The following RALGAPA1 variants were observed in gnomAD, a reference collection of about 807,000 sequenced individuals.
RALGAPA1 encodes Ral GTPase activating protein catalytic subunit alpha 1, also known as ral GTPase-activating protein subunit alpha-1.
RALGAPA1 carries 52 observed loss-of-function variants against 269.6 expected under a neutral mutation model. The observed-to-expected ratio is 0.19, with a 90% CI of 0.15 to 0.24. The LOEUF (loss-of-function observed/expected upper bound fraction) is 0.24, where lower values mean the gene tolerates loss of function less well. Ranked by LOEUF, RALGAPA1 falls within the 10% of genes least tolerant of loss-of-function variation. The pLI is 1.00. For missense variants in RALGAPA1, 1,917 were observed against 3,013.9 expected (o/e 0.64, Z 8.52); for synonymous variants, 817 against 1,008.3 (o/e 0.81, Z 3.60).
At chr14:35,739,213 C>T (rs1361706541) in intron 11 of RALGAPA1, among the ~76,000 whole-genome samples, 1 of 152,202 alleles carries the variant, frequency 6.6e-6, no homozygotes, top group East Asian at 1.9e-4. Context: ...AGAAATGCCA[C>T]TCTGCAGTTC....
In RALGAPA1 at chr14:35,721,898, T is replaced by C. The variant is rs757352071; in HGVS notation, c.2105-49A>G. 2.0e-6 allele frequency: 3 copies of C among 1,483,080 alleles called. No homozygotes were observed. In the East Asian group the frequency reaches 6.8e-5, roughly 34 times the overall value. The allele number at this position is 1,483,080 out of a possible 1,614,324, so 91.9% of individuals were successfully genotyped here. On this transcript the variant is annotated intron_variant, in intron 15 of 41. Coordinates refer to ENST00000680220, the MANE Select transcript of RALGAPA1 (RefSeq NM_001346249.2). ...CAATATACTGTTACTTGATCAATAA[T>C]ATCTTCAAGTTATGCGTGCTACCTT... is the stretch of plus-strand genomic sequence containing the variant.
At chr14:35,743,170 A>T (rs954446376) in intron 10 of RALGAPA1, among the ~76,000 whole-genome samples, 2 of 144,608 alleles carry the variant, frequency 1.4e-5, no homozygotes, top group Admixed American at 6.9e-5. Flanking sequence ...CTGGGAATCT[A>T]TTTTTTTTTT....
chr14:35,785,009 C>A (rs1248345039), intron 1 of RALGAPA1, among the ~76,000 whole-genome samples: 1 of 152,116 alleles, frequency 6.6e-6, no homozygotes, highest in East Asian at 1.9e-4. Context: ...TAGCCAGACC[C>A]TATCTCTACA....
intron 37 of RALGAPA1, among the ~76,000 whole-genome samples, chr14:35,593,810 C>T (rs1272169013): frequency 1.3e-5 from 2 of 151,980 alleles, no homozygotes; most frequent in African/African-American, 4.8e-5. Flanking sequence ...ACTGTGATTG[C>T]ACCACTGCAT....
At chr14:35,553,074 G>A (rs1211530807) in intron 39 of RALGAPA1, among the ~76,000 whole-genome samples, 1 of 152,044 alleles carries the variant, frequency 6.6e-6, no homozygotes, top group African/African-American at 2.4e-5. Context: ...AGTTAAGTGG[G>A]GATACCATCA....
chr14:35,540,540 T>C (rs1339594581), intron 41 of RALGAPA1, among the ~76,000 whole-genome samples: 2 of 152,216 alleles, frequency 1.3e-5, no homozygotes, highest in Non-Finnish European at 2.9e-5. Flanking sequence ...TTCTATAAAT[T>C]ATCATTCTCT....
intron 5 of RALGAPA1, 36 bp downstream of exon 5, chr14:35,762,674 T>C (rs1352425262): frequency 7.9e-7 from 1 of 1,259,738 alleles, no homozygotes; most frequent in South Asian, 1.2e-5. Flanking sequence ...TTCTACTCAG[T>C]ATTTTTAAAG....
At chr14:35,717,842 G>A (rs914499986) in intron 16 of RALGAPA1, among the ~76,000 whole-genome samples, 1 of 152,140 alleles carries the variant, frequency 6.6e-6, no homozygotes, top group Non-Finnish European at 1.5e-5. Context: ...ACAGGTGTGA[G>A]CCACTGTGCC....
chr14:35,801,262 C>CAA (rs980341680), intron 1 of RALGAPA1, among the ~76,000 whole-genome samples: 7 of 150,742 alleles, frequency 4.6e-5, no homozygotes, highest in South Asian at 4.2e-4. Flanking sequence ...CACACACACA[C>CAA]ACACACACAC....
rs189108000 is a variant in RALGAPA1, at chr14:35,702,930, G to A, written c.2267-2628C>T. Among the ~76,000 whole-genome samples the A allele has an allele frequency of 3.2e-4, 48 of 151,848 alleles. No homozygotes were observed. In the East Asian group the frequency reaches 7.7e-3, roughly 24 times the overall value. On this transcript the variant is annotated intron_variant, in intron 16 of 41. Coordinates refer to ENST00000680220, the MANE Select transcript of RALGAPA1 (RefSeq NM_001346249.2). The stretch of plus-strand genomic sequence containing the variant: ...AATTTTTGTATTTTTAGTAGAGACA[G>A]GGTTTCACTGTGTTAGCCAGAATTT...
At chr14:35,797,239 A>G (rs971796059) in intron 1 of RALGAPA1, among the ~76,000 whole-genome samples, 2 of 151,282 alleles carry the variant, frequency 1.3e-5, no homozygotes, top group Non-Finnish European at 2.9e-5. Flanking sequence ...CTGTAGTCCC[A>G]GCTACTAGGG....
intron 39 of RALGAPA1, among the ~76,000 whole-genome samples, chr14:35,565,675 T>C (rs2056637131): frequency 6.6e-6 from 1 of 152,176 alleles, no homozygotes; most frequent in African/African-American, 2.4e-5. Context: ...TACATCCTAT[T>C]GGTTCTGTTT....
At chr14:35,796,321 C>G (rs2076558954) in intron 1 of RALGAPA1, among the ~76,000 whole-genome samples, 1 of 152,088 alleles carries the variant, frequency 6.6e-6, no homozygotes, top group Non-Finnish European at 1.5e-5. Flanking sequence ...GCAATAGAAA[C>G]TATCCAAGAT....
At chr14:35,587,202 T>C (rs1257600919) in intron 37 of RALGAPA1, among the ~76,000 whole-genome samples, 2 of 152,192 alleles carry the variant, frequency 1.3e-5, no homozygotes, top group African/African-American at 2.4e-5. Flanking sequence ...AGGGTGTATG[T>C]GTCCAGGAAT....
At chr14:35,606,000 G>A (rs1252070355) in intron 35 of RALGAPA1, among the ~76,000 whole-genome samples, 2 of 152,202 alleles carry the variant, frequency 1.3e-5, no homozygotes, top group African/African-American at 4.8e-5. Context: ...AAGAGAAAGA[G>A]CATCAGGAAG....
intron 16 of RALGAPA1, among the ~76,000 whole-genome samples, chr14:35,701,125 G>C (rs72668487): frequency 9.5e-4 from 145 of 152,124 alleles, no homozygotes; most frequent in Non-Finnish European, 1.6e-3. Context: ...AGAGTCCCTA[G>C]TTCACAAAAA....
chr14:35,562,267 TG>T (rs2056323491), intron 39 of RALGAPA1, among the ~76,000 whole-genome samples: 2 of 152,300 alleles, frequency 1.3e-5, no homozygotes, highest in Middle Eastern at 3.4e-3. Context: ...TTCCCCCTAC[TG>T]CTCTCCTGTT....
At chr14:35,611,691 T>C (rs943314435) in intron 35 of RALGAPA1, among the ~76,000 whole-genome samples, 2 of 151,666 alleles carry the variant, frequency 1.3e-5, no homozygotes, top group Admixed American at 6.6e-5. Flanking sequence ...GCTCTGATCA[T>C]GCCATTGCAC....
intron 31 of RALGAPA1, among the ~76,000 whole-genome samples, chr14:35,647,349 C>G (rs562123712): frequency 6.6e-6 from 1 of 152,090 alleles, no homozygotes. Context: ...AAACTCCTGG[C>G]CCATATACAG....
Sources: allele counts gnomAD v4.1 joint callset (sites outside exome capture counted in the v4.1 genomes callset), GRCh38; gene constraint gnomAD v4.1.1; transcripts MANE v1.5; gene names NCBI Gene and HGNC (gene_info 2026-07-23, HGNC 2026-07-21).